The following CDS2 variants were observed in gnomAD, a reference collection of about 807,000 sequenced individuals.
CDS2 encodes CDP-diacylglycerol synthase 2.
CDS2 carries 47 observed loss-of-function variants against 59.0 expected under a neutral mutation model. The ratio of observed to expected loss-of-function variants is 0.80; its 90% CI spans 0.63 to 1.02. CDS2 has a LOEUF of 1.02. CDS2 is among the 50% of genes least tolerant of loss of function. The pLI, the probability that CDS2 is intolerant of heterozygous loss-of-function variation, is 0.00. For synonymous variants in CDS2, 207 were observed against 206.4 expected (o/e 1.00, Z -0.02); for missense variants, 356 against 558.9 (o/e 0.64, Z 3.66).
intron 1 of CDS2, among the ~76,000 whole-genome samples, chr20:5,157,696 T>A (rs2090844126): frequency 6.6e-6 from 1 of 152,216 alleles, no homozygotes; most frequent in Non-Finnish European, 1.5e-5. Flanking sequence ...CCTTATGTGG[T>A]GGAAGAAGGA....
intron 1 of CDS2, among the ~76,000 whole-genome samples, chr20:5,149,859 G>T (rs1306311490): frequency 6.6e-6 from 1 of 152,034 alleles, no homozygotes; most frequent in African/African-American, 2.4e-5. Context: ...GGGATTACAG[G>T]TGCCTGCCAC....
chr20:5,186,833 T>C lies in CDS2; in HGVS notation c.975T>C (p.Ile325=). 1 of 1,614,072 alleles carries C rather than the reference T, an allele frequency of 6.2e-7. No individual in the cohort carries two copies. Among genetic ancestry groups the C allele is most frequent in the Non-Finnish European group, 8.5e-7 (1 of 1,179,986 alleles). The change falls in exon 10 of 13, where the codon ATT becomes ATC. Residue 325 remains isoleucine, a synonymous_variant. Coordinates refer to ENST00000460006, the MANE Select transcript of CDS2 (RefSeq NM_003818.4). ...TTCCTGGGGTGATCCAGTCAGTCATTGGCTGGGTATGTGCCACTCACAGGG... is the reference window on the plus strand; with the variant it reads ...TTCCTGGGGTGATCCAGTCAGTCATCGGCTGGGTATGTGCCACTCACAGGG... The part of the protein sequence containing the change: ...YNIPGVIQSV[I]GWKTVRMYPF...
At chr20:5,149,225 T>G (rs2090769387) in intron 1 of CDS2, among the ~76,000 whole-genome samples, 1 of 152,232 alleles carries the variant, frequency 6.6e-6, no homozygotes, top group African/African-American at 2.4e-5. Context: ...TTGTTTCTCG[T>G]GGCCGTTTTA....
Position 5,197,792 on chromosome 20 carries a change from A to G in CDS2, c.*7558A>G, listed in dbSNP as rs779508563. On this transcript the variant is annotated 3_prime_UTR_variant, in exon 13 of 13. Coordinates refer to ENST00000460006, the MANE Select transcript of CDS2 (RefSeq NM_003818.4). ...ATACATGTAGGTTCTTTTTCCACGC[A>G]ATGTAAGAACATGATATACTGTACG... 1 of 152,138 alleles carries G rather than the reference A, an allele frequency of 6.6e-6. No individual in the cohort carries two copies. Among genetic ancestry groups the G allele is most frequent in the Non-Finnish European group, 1.5e-5 (1 of 68,016 alleles). 9.4% of individuals were successfully genotyped at this position (152,138 alleles called of 1,614,324 possible). A position where few individuals can be genotyped will look rare whatever the true frequency, so the allele number is the denominator to read the frequency against.
chr20:5,184,696 A>G lies in CDS2; in HGVS notation c.672-162A>G, dbSNP rs147647726. Among the ~76,000 whole-genome samples the G allele has an allele frequency of 5.0e-3, 769 of 152,320 alleles. 8 individuals carry two copies. The highest frequency in any genetic ancestry group is 0.018 in the African/African-American group (748 of 41,568). ...ATGTACTCTGTGCTAGGTACTAGGT[A>G]TGACTTTTTTGGTATTTTTTATGTT... On this transcript the variant is annotated intron_variant, in intron 7 of 12. Transcript: ENST00000460006. The surrounding 1 kb of genome is among the most constrained non-coding windows in gnomAD (Gnocchi z 4.3).
chr20:5,141,582 A>T (rs140697902), intron 1 of CDS2, among the ~76,000 whole-genome samples: 253 of 152,224 alleles, frequency 1.7e-3, no homozygotes, highest in African/African-American at 5.7e-3. Context: ...TGTATCCAAT[A>T]TGCAAATATT....
chr20:5,167,849 G>T (rs1390236651), intron 1 of CDS2, among the ~76,000 whole-genome samples: 2 of 152,184 alleles, frequency 1.3e-5, no homozygotes, highest in East Asian at 1.9e-4. Flanking sequence ...GCAAAAAATT[G>T]TGTAGGTTAT....
At chr20:5,127,180 G>T (rs932270416) in intron 1 of CDS2, 31 bp downstream of exon 1, 2 of 1,468,062 alleles carry the variant, frequency 1.4e-6, no homozygotes, top group Admixed American at 2.5e-5. Flanking sequence ...GGCGCGGCCG[G>T]GACAGCGGCG....
intron 1 of CDS2, among the ~76,000 whole-genome samples, chr20:5,155,496 G>A (rs900440190): frequency 6.6e-6 from 1 of 152,152 alleles, no homozygotes; most frequent in Non-Finnish European, 1.5e-5. Context: ...ATCATATGGG[G>A]GCTTTAGGGA....
intron 7 of CDS2, among the ~76,000 whole-genome samples, chr20:5,183,933 G>A (rs967604188): frequency 5.9e-5 from 9 of 152,148 alleles, no homozygotes; most frequent in African/African-American, 1.4e-4. Flanking sequence ...CAAGGTAGGC[G>A]GATCACGAGG....
rs2091141291 is a variant in CDS2 at position 5,194,390 on chromosome 20, C to CT, written c.*4157dup. ...GCCCACCTTCTCTTGGGCCTGGACT[C>CT]TCCTTATCCACATCCCTGCAGAAGG... On this transcript the variant is annotated 3_prime_UTR_variant, in exon 13 of 13. Coordinates refer to ENST00000460006, the MANE Select transcript of CDS2 (RefSeq NM_003818.4). The CT allele has an allele frequency of 6.6e-6, 1 of 152,238 alleles. No homozygotes were observed. Among genetic ancestry groups the CT allele is most frequent in the African/African-American group, 2.4e-5 (1 of 41,450 alleles). 9.4% of individuals were successfully genotyped at this position (152,238 alleles called of 1,614,324 possible).
chr20:5,151,703 G>A (rs985765778), intron 1 of CDS2, among the ~76,000 whole-genome samples: 14 of 149,064 alleles, frequency 9.4e-5, no homozygotes, highest in African/African-American at 3.2e-4. Flanking sequence ...CTCCCAAAGT[G>A]CTGGGATTTT....
intron 1 of CDS2, among the ~76,000 whole-genome samples, chr20:5,132,894 C>G (rs981398930): frequency 2.0e-5 from 3 of 151,976 alleles, no homozygotes; most frequent in Non-Finnish European, 4.4e-5. Flanking sequence ...TTTTATCGGC[C>G]GGGCGCGGTG....
intron 11 of CDS2, 78 bp downstream of exon 11, chr20:5,189,264 C>G (rs2123071030): frequency 1.3e-6 from 2 of 1,543,252 alleles, no homozygotes; most frequent in Non-Finnish European, 1.8e-6. Context: ...CCTGCCCCCT[C>G]CAAAATACTA....
At chr20:5,156,754 C>T (rs796250302) in intron 1 of CDS2, among the ~76,000 whole-genome samples, 5 of 152,310 alleles carry the variant, frequency 3.3e-5, no homozygotes, top group African/African-American at 1.2e-4. Context: ...GGTCTCCCTC[C>T]ATCTCTTGGC....
At chr20:5,138,362 C>T (rs1485132076) in intron 1 of CDS2, among the ~76,000 whole-genome samples, 1 of 152,136 alleles carries the variant, frequency 6.6e-6, no homozygotes, top group Non-Finnish European at 1.5e-5. Flanking sequence ...GTCCTTTTCC[C>T]AATGTGTGTT....
intron 1 of CDS2, among the ~76,000 whole-genome samples, chr20:5,155,956 G>A (rs1472110647): frequency 6.6e-6 from 1 of 152,172 alleles, no homozygotes; most frequent in Non-Finnish European, 1.5e-5. Context: ...AGCAGGTGGT[G>A]TGAGGGATGG....
rs1156869112 is a variant in CDS2, at chr20:5,143,629, C to CTT, written c.57+16496_57+16497dup. Among the ~76,000 whole-genome samples the CTT allele has an allele frequency of 5.5e-4, 55 of 99,644 alleles. 4 individuals are homozygous for CTT. The highest frequency in any genetic ancestry group is 2.0e-3 in the African/African-American group (48 of 24,538). 65.4% of individuals were successfully genotyped at this position (99,644 alleles called of 152,430 possible). On this transcript the variant is annotated intron_variant, in intron 1 of 12. Coordinates refer to ENST00000460006, the MANE Select transcript of CDS2 (RefSeq NM_003818.4). Reference sequence around the variant, plus strand: ...TTTTCTTTTTCTTCTTCTTCTTCTTCTTTTTTTTTTTTTTTTTGAGACAGA... The same window carrying CTT: ...TTTTCTTTTTCTTCTTCTTCTTCTTCTTTTTTTTTTTTTTTTTTTGAGACAGA...
intron 1 of CDS2, among the ~76,000 whole-genome samples, chr20:5,155,044 C>T (rs557623117): frequency 2.0e-5 from 3 of 152,286 alleles, no homozygotes; most frequent in African/African-American, 4.8e-5. Flanking sequence ...AAGATTGAAC[C>T]GCTTAGGACT....
Sources: allele counts gnomAD v4.1 joint callset (sites outside exome capture counted in the v4.1 genomes callset), GRCh38; gene constraint gnomAD v4.1.1; non-coding constraint Gnocchi (gnomAD v3.1); transcripts MANE v1.5; gene names NCBI Gene and HGNC (gene_info 2026-07-23, HGNC 2026-07-21).